ARHGAP32: variants seen among roughly 807,000 people sequenced by gnomAD.
The protein encoded by ARHGAP32 is rho GTPase-activating protein 32.
Under a neutral mutation model 186.5 loss-of-function variants are expected in ARHGAP32, and 51 were observed. That is an observed-to-expected ratio of 0.27 (90% CI 0.22 to 0.35). The LOEUF (loss-of-function observed/expected upper bound fraction) is 0.35. ARHGAP32 is among the 10% of genes least tolerant of loss of function. ARHGAP32 has a pLI of 1.00. For synonymous variants in ARHGAP32, 950 were observed against 964.3 expected (o/e 0.99, Z 0.27); for missense variants, 2,186 against 2,623.5 (o/e 0.83, Z 3.64).
At chr11:129,046,949 C>T (rs1479143994) in intron 10 of ARHGAP32, among the ~76,000 whole-genome samples, 5 of 151,890 alleles carry the variant, frequency 3.3e-5, no homozygotes, top group South Asian at 4.1e-4. Context: ...ATGGTGAAAC[C>T]CCGTCTCTAC....
At chr11:129,167,499 T>A (rs1943663555) in intron 1 of ARHGAP32, among the ~76,000 whole-genome samples, 1 of 152,004 alleles carries the variant, frequency 6.6e-6, no homozygotes, top group Non-Finnish European at 1.5e-5. Flanking sequence ...ATAAGCAAAA[T>A]GCACTAGGTA....
chr11:129,007,209 G>C (rs1483791813), intron 11 of ARHGAP32, among the ~76,000 whole-genome samples: 4 of 152,006 alleles, frequency 2.6e-5, no homozygotes, highest in African/African-American at 9.7e-5. Context: ...GAGTCTGCAT[G>C]GTGCCCTATC....
intron 1 of ARHGAP32, among the ~76,000 whole-genome samples, chr11:129,274,086 G>A (rs1372684584): frequency 2.0e-5 from 3 of 150,718 alleles, no homozygotes; most frequent in African/African-American, 7.3e-5. Context: ...TCAGATTCAT[G>A]TTTTTCTCAT....
chr11:129,023,935 G>C, intron 11 of ARHGAP32: 3 of 985,356 alleles, frequency 3.0e-6, no homozygotes, highest in Non-Finnish European at 3.6e-6. Flanking sequence ...AGATTCATCA[G>C]GATACAACAG....
rs140252683 is a variant in ARHGAP32 at position 129,157,014 on chromosome 11, A to T, written c.225+7305T>A. ...TCACTATTAGAAGGAAAACTAACAA[A>T]CAGAAAGGAATAGCATCAACATTAA... On this transcript the variant is annotated intron_variant, in intron 2 of 22. Coordinates refer to ENST00000682385, the MANE Select transcript of ARHGAP32 (RefSeq NM_001378024.1). 4.1e-4 allele frequency among the ~76,000 whole-genome samples: 63 copies of T among 152,282 alleles called. No homozygotes were observed. The East Asian group carries it at 0.011, about 27-fold the overall frequency.
chr11:129,179,572 A>C (rs1184814215), intron 1 of ARHGAP32, among the ~76,000 whole-genome samples: 1 of 151,658 alleles, frequency 6.6e-6, no homozygotes, highest in East Asian at 1.9e-4. Context: ...AGACTGGATT[A>C]AGAAAATGTG....
At chr11:129,133,356 G>C (rs1205533889) in intron 2 of ARHGAP32, among the ~76,000 whole-genome samples, 2 of 152,106 alleles carry the variant, frequency 1.3e-5, no homozygotes, top group Non-Finnish European at 2.9e-5. Context: ...CAGGAAAAAA[G>C]TGAAATTTCT....
Position 128,972,480 on chromosome 11 carries a change from G to A in ARHGAP32, c.4026C>T (p.Thr1342=). ...TGTGGGAATTATTTAATCCTATATT[G>A]GTTGCTGCTTGTACCTGCCCCACAA... ...PPVVGQVQAA[T]NIGLNNSHKV... Residue 1342 remains threonine (T), a synonymous_variant, in exon 22 of 23, where the codon ACC becomes ACT. Coordinates refer to ENST00000682385, the MANE Select transcript of ARHGAP32 (RefSeq NM_001378024.1). 6.6e-7 allele frequency: 1 copy of A among 1,521,936 alleles called. No individual in the cohort carries two copies. Among genetic ancestry groups the A allele is most frequent in the Non-Finnish European group, 8.8e-7 (1 of 1,136,162 alleles). 94.3% of individuals were successfully genotyped at this position (1,521,936 alleles called of 1,614,324 possible).
Position 128,968,968 on chromosome 11 carries a change from C to T in ARHGAP32, c.6245G>A (p.Gly2082Glu). The T allele has an allele frequency of 6.3e-7, 1 of 1,581,462 alleles. No individual in the cohort carries two copies. Among genetic ancestry groups the T allele is most frequent in the Non-Finnish European group, 8.6e-7 (1 of 1,158,424 alleles). Residue 2082 changes from glycine (G) to glutamate (E), a missense_variant, in exon 23 of 23, where the codon GGG (glycine) becomes GAG (glutamate). Physicochemically the swap from Gly to Glu is moderately conservative, Grantham distance 98. Coordinates refer to ENST00000682385, the MANE Select transcript of ARHGAP32 (RefSeq NM_001378024.1). Reference protein sequence around the residue: ...SRTYATALGQGAFLPAELSLQ... With the variant: ...SRTYATALGQEAFLPAELSLQ... ...GGACAACTCTGCGGGCAGGAAGGCC[C>T]CTTGACCCAACGCTGTAGCATAGGT...
Position 129,192,252 on chromosome 11 carries a change from C to A in ARHGAP32, c.-54G>T. 7.7e-7 allele frequency: 1 copy of A among 1,299,452 alleles called. No individual in the cohort carries two copies. The highest frequency in any genetic ancestry group is 1.1e-6 in the Non-Finnish European group (1 of 900,370). 80.5% of individuals were successfully genotyped at this position (1,299,452 alleles called of 1,614,324 possible). A position where few individuals can be genotyped will look rare whatever the true frequency, so the allele number is the denominator to read the frequency against. On this transcript the variant is annotated 5_prime_UTR_variant, in exon 1 of 23. Transcript: ENST00000682385. ...ACCTCCAGGCATGGAATAAAAAGCA[C>A]CAACATTCAGGTTGTTCAGCTCTAC...
chr11:129,265,441 A>C (rs1184891605), intron 1 of ARHGAP32, among the ~76,000 whole-genome samples: 3 of 152,210 alleles, frequency 2.0e-5, no homozygotes, highest in Admixed American at 1.3e-4. Context: ...TAAATGTGGA[A>C]AACATCCCCT....
chr11:129,150,470 G>A (rs80276530), intron 2 of ARHGAP32, among the ~76,000 whole-genome samples: 1 of 152,126 alleles, frequency 6.6e-6, no homozygotes, highest in Non-Finnish European at 1.5e-5. Flanking sequence ...TGAGATAAAA[G>A]CATCAAATAA....
intron 2 of ARHGAP32, among the ~76,000 whole-genome samples, chr11:129,132,424 G>A (rs1942833007): frequency 6.6e-6 from 1 of 151,818 alleles, no homozygotes; most frequent in African/African-American, 2.4e-5. Flanking sequence ...GCTGCAGAAA[G>A]CCATGATTAT....
intron 1 of ARHGAP32, among the ~76,000 whole-genome samples, chr11:129,245,701 T>C (rs370900777): frequency 2.1e-5 from 3 of 142,154 alleles, no homozygotes; most frequent in African/African-American, 7.8e-5. Context: ...ATAATAATAA[T>C]GTATGAAGGT....
chr11:129,142,897 C>A (rs1219929628), intron 2 of ARHGAP32, among the ~76,000 whole-genome samples: 1 of 151,296 alleles, frequency 6.6e-6, no homozygotes, highest in African/African-American at 2.4e-5. Context: ...TTATCTTTAT[C>A]ATTTGTAGTC....
At chr11:129,064,617 C>T (rs1325509002) in intron 8 of ARHGAP32, among the ~76,000 whole-genome samples, 3 of 151,934 alleles carry the variant, frequency 2.0e-5, no homozygotes, top group South Asian at 2.1e-4. Flanking sequence ...CAGGTATCAT[C>T]GAGATTCATA....
intron 6 of ARHGAP32, among the ~76,000 whole-genome samples, chr11:129,070,970 T>C (rs1185170437): frequency 6.6e-6 from 1 of 152,074 alleles, no homozygotes; most frequent in Non-Finnish European, 1.5e-5. Flanking sequence ...TTCTACTGAG[T>C]ATATTGTATA....
chr11:129,275,647 G>A (rs911106526), intron 1 of ARHGAP32, among the ~76,000 whole-genome samples: 3 of 152,262 alleles, frequency 2.0e-5, no homozygotes, highest in South Asian at 2.1e-4. Context: ...TCTGCAGGCC[G>A]AGCTATGAAA....
chr11:129,185,365 C>T (rs1405035303), intron 1 of ARHGAP32, among the ~76,000 whole-genome samples: 1 of 152,178 alleles, frequency 6.6e-6, no homozygotes, highest in Non-Finnish European at 1.5e-5. Context: ...AAAAACCAAA[C>T]ACCACATGTT....
Sources: gnomAD v4.1 joint callset for allele counts (sites outside exome capture counted in the v4.1 genomes callset) on GRCh38, gnomAD v4.1.1 for gene constraint, MANE v1.5 for transcripts, NCBI Gene and HGNC (gene_info 2026-07-23, HGNC 2026-07-21) for gene names.